ABLIM2: variants seen among roughly 807,000 people sequenced by gnomAD.
The protein encoded by ABLIM2 is actin-binding LIM protein 2.
ABLIM2 carries 53 observed loss-of-function variants against 97.7 expected under a neutral mutation model. That is an observed-to-expected ratio of 0.54 (90% CI 0.44 to 0.68). The LOEUF is 0.68. Ranked by LOEUF, ABLIM2 falls within the 30% of genes least tolerant of loss-of-function variation. ABLIM2 has a pLI of 0.00. For missense variants in ABLIM2, 835 were observed against 867.2 expected (o/e 0.96, Z 0.47); for synonymous variants, 361 against 345.8 (o/e 1.04, Z -0.49).
In ABLIM2 at chr4:8,075,951, A is replaced by G. The variant is rs866766178; in HGVS notation, c.675+1677T>C. Among the ~76,000 whole-genome samples, 1 of 152,234 alleles carries G rather than the reference A, an allele frequency of 6.6e-6. No homozygotes were observed. On this transcript the variant is annotated intron_variant, in intron 6 of 20. Transcript: ENST00000447017. The surrounding 1 kb of genome is among the most constrained non-coding windows in gnomAD (Gnocchi z 4.4). ...GAAAAAACGAAAGAAAACTGGCCAG[A>G]AAGTTAGGCTAACTATGATTGCATA...
At chr4:8,040,340 G>T (rs533776852) in intron 9 of ABLIM2, among the ~76,000 whole-genome samples, 1 of 152,328 alleles carries the variant, frequency 6.6e-6, no homozygotes, top group South Asian at 2.1e-4. Context: ...GCCAGGCGCA[G>T]TGGCTCACAC....
At chr4:8,154,474 G>T (rs555232437) in intron 1 of ABLIM2, among the ~76,000 whole-genome samples, 35 of 150,270 alleles carry the variant, frequency 2.3e-4, no homozygotes, top group African/African-American at 7.6e-4. Context: ...TAGAGATGGG[G>T]TTTCACCATG....
chr4:8,088,796 C>T (rs1825488706), intron 3 of ABLIM2, among the ~76,000 whole-genome samples: 1 of 152,214 alleles, frequency 6.6e-6, no homozygotes, highest in Non-Finnish European at 1.5e-5. Flanking sequence ...GTATTTGCTT[C>T]ATGTTTTCTC....
intron 1 of ABLIM2, among the ~76,000 whole-genome samples, chr4:8,146,969 G>A (rs1851905482): frequency 6.6e-6 from 1 of 152,208 alleles, no homozygotes; most frequent in African/African-American, 2.4e-5. Context: ...GCCATAGATG[G>A]ACAGGAATTT....
At chr4:8,151,468 T>C (rs532370433) in intron 1 of ABLIM2, among the ~76,000 whole-genome samples, 1 of 152,216 alleles carries the variant, frequency 6.6e-6, no homozygotes, top group Non-Finnish European at 1.5e-5. Flanking sequence ...CAGAAGCTGC[T>C]AATCCACAGG....
chr4:8,000,303 C>A (rs1481809419), intron 16 of ABLIM2, among the ~76,000 whole-genome samples: 1 of 152,110 alleles, frequency 6.6e-6, no homozygotes, highest in Non-Finnish European at 1.5e-5. Context: ...GCCTCAACAA[C>A]CCTCAGAGTC....
At chr4:8,009,520 C>T (rs1365462157) in intron 14 of ABLIM2, among the ~76,000 whole-genome samples, 1 of 152,174 alleles carries the variant, frequency 6.6e-6, no homozygotes, top group Non-Finnish European at 1.5e-5. Flanking sequence ...CCTCAGCCAC[C>T]CGGTAGCTGG....
chr4:8,020,650 T>C, intron 12 of ABLIM2: 1 of 336,202 alleles, frequency 3.0e-6, no homozygotes, highest in Middle Eastern at 6.1e-4. Context: ...CAACTGCAAA[T>C]TCGCCAAAAC....
rs183752867 is a variant in ABLIM2 at position 8,092,206 on chromosome 4, C to T, written c.339-3922G>A. Reference sequence around the variant, plus strand: ...AGAGATGGGGTTTCACCATGTTAGCCGGGCTGGTCTCGAACTCCTGACCTC... The same window carrying T: ...AGAGATGGGGTTTCACCATGTTAGCTGGGCTGGTCTCGAACTCCTGACCTC... On this transcript the variant is annotated intron_variant, in intron 3 of 20. Transcript: ENST00000447017. 4.1e-3 allele frequency among the ~76,000 whole-genome samples: 629 copies of T among 151,752 alleles called. 17 individuals carry two copies. In the East Asian group the frequency reaches 0.05, roughly 12 times the overall value.
Position 8,087,214 on chromosome 4 carries a change from G to C in ABLIM2, c.454+955C>G, listed in dbSNP as rs1824256766. 6.6e-6 allele frequency among the ~76,000 whole-genome samples: 1 copy of C among 152,198 alleles called. No homozygotes were observed. Among genetic ancestry groups the C allele is most frequent in the African/African-American group, 2.4e-5 (1 of 41,448 alleles). On this transcript the variant is annotated intron_variant, in intron 4 of 20. Transcript: ENST00000447017. This position sits in a 1 kb window ranked among gnomAD's most constrained non-coding sequence, Gnocchi z 4.6. ...GTGCTCAGAGTGGGCTTCTGCACCA[G>C]GTGCCTGGCAGCGGCGGGGCCTGGT...
rs1022233161 is a variant in ABLIM2, at chr4:8,112,322, G to C, written c.11-5685C>G. On this transcript the variant is annotated intron_variant, in intron 1 of 20. Transcript: ENST00000447017. This position sits in a 1 kb window ranked among gnomAD's most constrained non-coding sequence, Gnocchi z 4.2. Reference sequence around the variant, plus strand: ...TTGGACCCACCATCCAGGGGCAGCGGTGTGACCTTGGTGAATGGATTTAAC... The same window carrying C: ...TTGGACCCACCATCCAGGGGCAGCGCTGTGACCTTGGTGAATGGATTTAAC... Among the ~76,000 whole-genome samples the C allele has an allele frequency of 1.3e-5, 2 of 152,248 alleles. No individual in the cohort carries two copies. Among genetic ancestry groups the C allele is most frequent in the African/African-American group, 4.8e-5 (2 of 41,462 alleles).
chr4:8,113,113 G>A lies in ABLIM2; in HGVS notation c.11-6476C>T, dbSNP rs1473997334. On this transcript the variant is annotated intron_variant, in intron 1 of 20. Coordinates refer to ENST00000447017, the MANE Select transcript of ABLIM2 (RefSeq NM_001130083.2). This position sits in a 1 kb window ranked among gnomAD's most constrained non-coding sequence, Gnocchi z 4.5. The stretch of plus-strand genomic sequence containing the variant: ...CTCTGGGAATCTTTTTTCTTCTCCT[G>A]AGGCAGGGTCTCGCTCTGTCAACCA... Among the ~76,000 whole-genome samples, 1 of 152,110 alleles carries A rather than the reference G, an allele frequency of 6.6e-6. No homozygotes were observed. Among genetic ancestry groups the A allele is most frequent in the African/African-American group, 2.4e-5 (1 of 41,428 alleles).
At chr4:8,136,571 C>T (rs988926956) in intron 1 of ABLIM2, among the ~76,000 whole-genome samples, 18 of 152,246 alleles carry the variant, frequency 1.2e-4, no homozygotes, top group Non-Finnish European at 2.6e-4. Flanking sequence ...TTCTGCACCC[C>T]ACGTGGCTGA....
rs1845972311 is a variant in ABLIM2 at position 8,122,571 on chromosome 4, T to A, written c.11-15934A>T. 6.6e-6 allele frequency among the ~76,000 whole-genome samples: 1 copy of A among 152,052 alleles called. No individual in the cohort carries two copies. The highest frequency in any genetic ancestry group is 1.5e-5 in the Non-Finnish European group (1 of 67,988). ...TCATGAGGACCCCACCCTCACGACC[T>A]CATCTAAACCCCATCACCTCCCCAA... On this transcript the variant is annotated intron_variant, in intron 1 of 20. Transcript: ENST00000447017. This position sits in a 1 kb window ranked among gnomAD's most constrained non-coding sequence, Gnocchi z 4.1.
Position 8,046,258 on chromosome 4 carries a change from G to T in ABLIM2, c.823-1017C>A, listed in dbSNP as rs990171853. On this transcript the variant is annotated intron_variant, in intron 8 of 20. Coordinates refer to ENST00000447017, the MANE Select transcript of ABLIM2 (RefSeq NM_001130083.2). This position sits in a 1 kb window ranked among gnomAD's most constrained non-coding sequence, Gnocchi z 4.4. ...CCACCTCAGCCCCCTCCAGCCCTGCGGACACACTCCTTCTGTGGTCCCCAC... is the reference window on the plus strand; with the variant it reads ...CCACCTCAGCCCCCTCCAGCCCTGCTGACACACTCCTTCTGTGGTCCCCAC... Among the ~76,000 whole-genome samples, 1 of 151,796 alleles carries T rather than the reference G, an allele frequency of 6.6e-6. No individual in the cohort carries two copies. The highest frequency in any genetic ancestry group is 2.4e-5 in the African/African-American group (1 of 41,320).
chr4:8,062,795 A>G (rs146362581), intron 6 of ABLIM2, among the ~76,000 whole-genome samples: 2 of 152,220 alleles, frequency 1.3e-5, no homozygotes, highest in East Asian at 3.9e-4. Context: ...CTGTATTTTT[A>G]AAAATAAAAG....
At chr4:8,000,071 A>C (rs145495440) in intron 16 of ABLIM2, among the ~76,000 whole-genome samples, 1 of 152,216 alleles carries the variant, frequency 6.6e-6, no homozygotes, top group African/African-American at 2.4e-5. Flanking sequence ...TCCTGGGTGC[A>C]CGGGCAGGAG....
At chr4:8,039,962 A>G (rs1314508159) in intron 9 of ABLIM2, among the ~76,000 whole-genome samples, 4 of 148,328 alleles carry the variant, frequency 2.7e-5, no homozygotes, top group Non-Finnish European at 3.0e-5. Flanking sequence ...CAAAAGCCCC[A>G]TGGTTTATGG....
rs929698026 is a variant in ABLIM2 at position 8,069,488 on chromosome 4, G to T, written c.675+8140C>A. On this transcript the variant is annotated intron_variant, in intron 6 of 20. Transcript: ENST00000447017. This position sits in a 1 kb window ranked among gnomAD's most constrained non-coding sequence, Gnocchi z 4.2. ...ACGACAGGCCAGCGTGGAAGGGTAG[G>T]ACCAGGGGCTCTGATGCGCTGCCGG... Among the ~76,000 whole-genome samples, 19 of 152,226 alleles carry T rather than the reference G, an allele frequency of 1.2e-4. No homozygotes were observed. The highest frequency in any genetic ancestry group is 3.4e-4 in the African/African-American group (14 of 41,464).
Sources: allele counts gnomAD v4.1 joint callset (sites outside exome capture counted in the v4.1 genomes callset), GRCh38; gene constraint gnomAD v4.1.1; non-coding constraint Gnocchi (gnomAD v3.1); transcripts MANE v1.5; gene names NCBI Gene and HGNC (gene_info 2026-07-23, HGNC 2026-07-21).